Variants in UNC79 observed in about 807,000 individuals in gnomAD.
UNC79 encodes protein unc-79 homolog.
Under a neutral mutation model 283.1 loss-of-function variants are expected in UNC79, and 37 were observed. That is an observed-to-expected ratio of 0.13 (90% CI 0.10 to 0.17). UNC79 has a LOEUF of 0.17. Among genes scored for constraint, UNC79 ranks in the 10% least tolerant of loss-of-function variants. The pLI is 1.00. For missense variants in UNC79, 2,272 were observed against 3,211.1 expected, an observed-to-expected ratio of 0.71 and a Z score of 7.07; for synonymous variants, 1,107 against 1,200.2, an observed-to-expected ratio of 0.92 and a Z score of 1.61.
chr14:93,699,839 G>T (rs759429787), intron 47 of UNC79, among the ~76,000 whole-genome samples: 1 of 152,032 alleles, frequency 6.6e-6, no homozygotes, highest in Admixed American at 6.5e-5. Flanking sequence ...AGTTATATTT[G>T]CTATAATTGC....
intron 29 of UNC79, among the ~76,000 whole-genome samples, chr14:93,620,044 A>T (rs2067010357): frequency 6.6e-6 from 1 of 152,244 alleles, no homozygotes; most frequent in South Asian, 2.1e-4. Context: ...TCTTGGATTT[A>T]AAAATGGCCA....
Position 93,424,563 on chromosome 14 carries a change from A to G in UNC79, c.-350-43108A>G, listed in dbSNP as rs144169295. 1.6e-3 allele frequency among the ~76,000 whole-genome samples: 240 copies of G among 152,344 alleles called. 2 individuals carry two copies. The highest frequency in any genetic ancestry group is 0.01 in the Middle Eastern group (3 of 294). On this transcript the variant is annotated intron_variant, in intron 1 of 49. Transcript: ENST00000256339. ...ATGAGATCCTGCCATTTGCAATGAC[A>G]TGGATGGAACTAGAAGTCATTATGC...
At chr14:93,347,494 G>A in intron 1 of UNC79, 10 of 1,280,546 alleles carry the variant, frequency 7.8e-6, no homozygotes, top group Non-Finnish European at 9.1e-6. Context: ...TGCAGGCCTC[G>A]CGTGGGAGGC....
chr14:93,625,295 C>T (rs1233318157), intron 30 of UNC79, among the ~76,000 whole-genome samples: 8 of 152,220 alleles, frequency 5.3e-5, no homozygotes, highest in Non-Finnish European at 8.8e-5. Context: ...CCTCTCTGAG[C>T]TGCATACCCT....
intron 30 of UNC79, among the ~76,000 whole-genome samples, chr14:93,627,295 T>G (rs1384296231): frequency 2.0e-5 from 3 of 152,218 alleles, no homozygotes; most frequent in African/African-American, 7.2e-5. Context: ...GTCTCTTCTC[T>G]ATGAACTCTC....
chr14:93,357,905 C>CTA (rs1477626532), intron 1 of UNC79, among the ~76,000 whole-genome samples: 1 of 26,728 alleles, frequency 3.7e-5, no homozygotes, highest in Non-Finnish European at 8.2e-5. Context: ...AGATATATAT[C>CTA]TATATATATC....
At chr14:93,431,025 G>A in exon 1 of UNC79, 1 of 701,830 alleles carries the variant, frequency 1.4e-6, no homozygotes, top group African/African-American at 1.7e-5. Flanking sequence ...CAACTGGACA[G>A]CACCATGTCC....
At chr14:93,460,635 T>A (rs1239484586) in intron 1 of UNC79, among the ~76,000 whole-genome samples, 2 of 152,192 alleles carry the variant, frequency 1.3e-5, no homozygotes, top group African/African-American at 2.4e-5. Context: ...TGAAGGACGA[T>A]TTCTTAATTC....
At chr14:93,573,499 G>A (rs11848361) in intron 16 of UNC79, among the ~76,000 whole-genome samples, 9,263 of 152,208 alleles carry the variant, frequency 0.061, 326 homozygotes, top group Middle Eastern at 0.11. Flanking sequence ...TTCAATTAAA[G>A]TTTATTAAAT....
At chr14:93,402,164 C>A (rs887370342) in intron 1 of UNC79, among the ~76,000 whole-genome samples, 2 of 151,372 alleles carry the variant, frequency 1.3e-5, no homozygotes, top group Admixed American at 6.6e-5. Flanking sequence ...TGTATCCCAG[C>A]TACTTGGGAG....
At position 93,575,020 on chromosome 14, in the gene UNC79, C is replaced by T. The variant is rs574508534; in HGVS notation, c.2071-38C>T. 8.9e-6 allele frequency: 14 copies of T among 1,569,316 alleles called. No homozygotes were observed. In the South Asian group the frequency reaches 1.7e-4, roughly 19 times the overall value. On this transcript the variant is annotated intron_variant, in intron 16 of 48. Coordinates refer to ENST00000555664, the Ensembl canonical transcript of UNC79. ...TAGCTTTTTTGAGTTTTAAAATTTACATGTGTTTTTTGGGGGATATATGCC... is the reference window on the plus strand; with the variant it reads ...TAGCTTTTTTGAGTTTTAAAATTTATATGTGTTTTTTGGGGGATATATGCC...
chr14:93,672,862 AATG>A (rs2073008512), intron 40 of UNC79, among the ~76,000 whole-genome samples: 1 of 152,202 alleles, frequency 6.6e-6, no homozygotes, highest in Admixed American at 6.5e-5. Flanking sequence ...AATAAAGCAA[AATG>A]ATGTGATCTG....
intron 1 of UNC79, among the ~76,000 whole-genome samples, chr14:93,404,910 T>C (rs2055195877): frequency 6.6e-6 from 1 of 152,016 alleles, no homozygotes; most frequent in South Asian, 2.1e-4. Flanking sequence ...GAAGCTTATA[T>C]AGATATGTAT....
intron 1 of UNC79, among the ~76,000 whole-genome samples, chr14:93,433,292 A>C (rs2055947783): frequency 6.6e-6 from 1 of 152,174 alleles, no homozygotes; most frequent in Non-Finnish European, 1.5e-5. Flanking sequence ...GGATGTTTTT[A>C]GATATCTGTA....
intron 3 of UNC79, among the ~76,000 whole-genome samples, chr14:93,475,079 C>G (rs889265311): frequency 3.3e-5 from 5 of 152,156 alleles, no homozygotes; most frequent in African/African-American, 1.2e-4. Flanking sequence ...CTTTTCTTAA[C>G]TCTTCCCCCT....
chr14:93,615,738 A>G (rs1339573997), intron 27 of UNC79, among the ~76,000 whole-genome samples: 8 of 146,486 alleles, frequency 5.5e-5, no homozygotes, highest in Non-Finnish European at 1.2e-4. Flanking sequence ...AAAAAAAAAA[A>G]AAAAAAAGAA....
intron 40 of UNC79, 128 bp from the exon 44 acceptor site, chr14:93,673,223 T>C (rs1270124042): frequency 4.0e-6 from 3 of 753,328 alleles, no homozygotes; most frequent in African/African-American, 3.6e-5. Flanking sequence ...TTGAGGACAC[T>C]TCACTATGCA....
At chr14:93,491,382 A>G (rs969996245) in intron 5 of UNC79, among the ~76,000 whole-genome samples, 2 of 152,072 alleles carry the variant, frequency 1.3e-5, no homozygotes, top group Non-Finnish European at 2.9e-5. Flanking sequence ...TTTATTATAT[A>G]TTATGTCCTT....
At chr14:93,533,071 GT>G (rs969534420) in intron 11 of UNC79, among the ~76,000 whole-genome samples, 294 of 151,208 alleles carry the variant, frequency 1.9e-3, no homozygotes, top group African/African-American at 3.5e-3. Context: ...ATTTCCTTTA[GT>G]TTTTTTTTAA....
Sources: allele counts gnomAD v4.1 joint callset (sites outside exome capture counted in the v4.1 genomes callset), GRCh38; gene constraint gnomAD v4.1.1; transcripts MANE v1.5; gene names NCBI Gene and HGNC (gene_info 2026-07-23, HGNC 2026-07-21).